GRXCR1: variants seen among roughly 807,000 people sequenced by gnomAD.
The protein encoded by GRXCR1 is glutaredoxin domain-containing cysteine-rich protein 1.
In GRXCR1, 27 loss-of-function variants were observed where a neutral mutation model predicts 27.3. The ratio of observed to expected loss-of-function variants is 0.99; its 90% confidence interval spans 0.73 to 1.37. The LOEUF is 1.37. Ranked by LOEUF, GRXCR1 falls within the 40% of genes most tolerant of loss-of-function variation. The pLI, the probability that GRXCR1 is intolerant of heterozygous loss-of-function variation, is 0.00. For synonymous variants in GRXCR1, 122 were observed against 131.1 expected (o/e 0.93, Z 0.47); for missense variants, 379 against 354.4 (o/e 1.07, Z -0.56).
intron 3 of GRXCR1, among the ~76,000 whole-genome samples, chr4:43,025,975 CAAAA>C (rs373672727): frequency 2.2e-5 from 2 of 89,718 alleles, no homozygotes; most frequent in African/African-American, 7.9e-5. Flanking sequence ...AACTCCGTCT[CAAAA>C]AAAAAAAAAA....
At chr4:42,921,683 T>C (rs1342141896) in intron 1 of GRXCR1, among the ~76,000 whole-genome samples, 1 of 152,176 alleles carries the variant, frequency 6.6e-6, no homozygotes, top group African/African-American at 2.4e-5. Context: ...AAATATGTTT[T>C]ATCGAATTTC....
At chr4:42,917,226 C>T (rs1209016662) in intron 1 of GRXCR1, among the ~76,000 whole-genome samples, 2 of 152,080 alleles carry the variant, frequency 1.3e-5, no homozygotes, top group Admixed American at 6.6e-5. Context: ...TTACAAAAAT[C>T]TAATCTGATT....
chr4:42,995,435 A>G (rs1251514510), intron 2 of GRXCR1, among the ~76,000 whole-genome samples: 1 of 152,142 alleles, frequency 6.6e-6, no homozygotes, highest in Non-Finnish European at 1.5e-5. Flanking sequence ...TTGGTGGAAA[A>G]AACATTTTTG....
intron 2 of GRXCR1, among the ~76,000 whole-genome samples, chr4:42,969,333 C>T (rs1389320970): frequency 2.0e-5 from 3 of 152,076 alleles, no homozygotes; most frequent in African/African-American, 2.4e-5. Flanking sequence ...TCTGTTTTCA[C>T]ACTGCTATAA....
intron 2 of GRXCR1, among the ~76,000 whole-genome samples, chr4:43,002,292 T>C (rs1400403584): frequency 9.9e-5 from 15 of 151,766 alleles, no homozygotes; most frequent in African/African-American, 3.4e-4. Flanking sequence ...GGAGAAACCT[T>C]GGACAATACC....
chr4:42,992,057 C>A (rs1368637226), intron 2 of GRXCR1, among the ~76,000 whole-genome samples: 1 of 152,058 alleles, frequency 6.6e-6, no homozygotes, highest in African/African-American at 2.4e-5. Flanking sequence ...AGTTTTTAAT[C>A]CTTTTCCAAT....
intron 2 of GRXCR1, among the ~76,000 whole-genome samples, chr4:42,965,122 C>T (rs1222446746): frequency 6.6e-6 from 1 of 152,052 alleles, no homozygotes; most frequent in Non-Finnish European, 1.5e-5. Context: ...AATGCCCGTC[C>T]TGCTATTTGC....
intron 2 of GRXCR1, among the ~76,000 whole-genome samples, chr4:42,996,495 T>G (rs943813571): frequency 6.6e-6 from 1 of 152,180 alleles, no homozygotes; most frequent in Non-Finnish European, 1.5e-5. Context: ...CTTGTGCTTT[T>G]TGATATGTGG....
At chr4:43,010,629 C>T (rs949066683) in intron 2 of GRXCR1, among the ~76,000 whole-genome samples, 1 of 151,972 alleles carries the variant, frequency 6.6e-6, no homozygotes, top group Non-Finnish European at 1.5e-5. Context: ...TTACTATTCT[C>T]TCTTAATTAT....
At chr4:42,988,395 A>C (rs1711849938) in intron 2 of GRXCR1, among the ~76,000 whole-genome samples, 1 of 152,204 alleles carries the variant, frequency 6.6e-6, no homozygotes. Flanking sequence ...GAAGACTGCC[A>C]AGTTCAGCTT....
intron 1 of GRXCR1, among the ~76,000 whole-genome samples, chr4:42,941,865 CAG>C (rs1747631587): frequency 6.6e-6 from 1 of 151,812 alleles, no homozygotes; most frequent in Non-Finnish European, 1.5e-5. Context: ...AACAAACAAA[CAG>C]AGTTAAGGTA....
intron 1 of GRXCR1, among the ~76,000 whole-genome samples, chr4:42,914,901 G>A (rs1190516265): frequency 6.6e-6 from 1 of 152,054 alleles, no homozygotes; most frequent in Non-Finnish European, 1.5e-5. Context: ...TTTATAAGGG[G>A]CTTCTCCCTT....
At chr4:43,004,488 C>T (rs1274778389) in intron 2 of GRXCR1, among the ~76,000 whole-genome samples, 1 of 152,200 alleles carries the variant, frequency 6.6e-6, no homozygotes, top group African/African-American at 2.4e-5. Flanking sequence ...ATGCATCATG[C>T]ACCTGGAAAA....
intron 1 of GRXCR1, among the ~76,000 whole-genome samples, chr4:42,947,286 CAG>C (rs1747765432): frequency 6.6e-6 from 1 of 151,770 alleles, no homozygotes; most frequent in African/African-American, 2.4e-5. Context: ...TAGCTGGACA[CAG>C]AGGAGTGACC....
At chr4:43,012,234 A>G (rs1475344079) in intron 2 of GRXCR1, among the ~76,000 whole-genome samples, 1 of 152,214 alleles carries the variant, frequency 6.6e-6, no homozygotes, top group East Asian at 1.9e-4. Context: ...AGGCTGAAGA[A>G]CACTTTATGT....
intron 2 of GRXCR1, among the ~76,000 whole-genome samples, chr4:42,979,501 C>A (rs1021302537): frequency 6.6e-6 from 1 of 151,938 alleles, no homozygotes; most frequent in Non-Finnish European, 1.5e-5. Context: ...GGAAGAATCT[C>A]AATCATGGTG....
chr4:42,983,279 G>T (rs1454534657), intron 2 of GRXCR1, among the ~76,000 whole-genome samples: 2 of 145,846 alleles, frequency 1.4e-5, no homozygotes, highest in Non-Finnish European at 3.0e-5. Flanking sequence ...CATATGGCTA[G>T]CCAGTTTTCC....
intron 1 of GRXCR1, among the ~76,000 whole-genome samples, chr4:42,906,361 C>A (rs559802902): frequency 6.6e-6 from 1 of 152,152 alleles, no homozygotes; most frequent in Non-Finnish European, 1.5e-5. Context: ...CCCACCACAG[C>A]GCACTTGGCT....
rs145246149 is a variant in GRXCR1 at position 43,005,925 on chromosome 4, C to T, written c.628-14429C>T. On this transcript the variant is annotated intron_variant, in intron 2 of 3. Transcript: ENST00000399770. ...AAATATTTTGTTGTCATGGATATTG[C>T]GGGAAGTCAGGGACCCCAAATGGAG... is the stretch of plus-strand genomic sequence containing the variant. Among the ~76,000 whole-genome samples, 801 of 152,220 alleles carry T rather than the reference C, an allele frequency of 5.3e-3. 10 individuals carry two copies. Among genetic ancestry groups the T allele is most frequent in the African/African-American group, 0.018 (746 of 41,520 alleles).
Sources: allele counts gnomAD v4.1 joint callset (sites outside exome capture counted in the v4.1 genomes callset), GRCh38; gene constraint gnomAD v4.1.1; transcripts MANE v1.5; gene names NCBI Gene and HGNC (gene_info 2026-07-23, HGNC 2026-07-21).